The following ATXN10 variants were observed in gnomAD, a reference collection of about 807,000 sequenced individuals.
ATXN10 encodes the protein ataxin 10.
ATXN10 carries 28 observed loss-of-function variants against 52.9 expected under a neutral mutation model. That is an observed-to-expected ratio of 0.53 (90% CI 0.39 to 0.73). The LOEUF (loss-of-function observed/expected upper bound fraction) is 0.73. Among genes scored for constraint, ATXN10 ranks in the 30% least tolerant of loss-of-function variants. The pLI, the probability that ATXN10 is intolerant of heterozygous loss-of-function variation, is 0.00. For synonymous variants in ATXN10, 226 were observed against 221.5 expected, an observed-to-expected ratio of 1.02 and a Z score of -0.18; for missense variants, 565 against 577.0, an observed-to-expected ratio of 0.98 and a Z score of 0.21.
In ATXN10 at chr22:45,732,493, G is replaced by T. The variant is rs1330285849; in HGVS notation, c.894+2903G>T. Among the ~76,000 whole-genome samples the T allele has an allele frequency of 4.0e-5, 6 of 151,224 alleles. No individual in the cohort carries two copies. Among genetic ancestry groups the T allele is most frequent in the Non-Finnish European group, 4.4e-5 (3 of 67,842 alleles). ...AAAAAATTGTAGGCAGTTTTCTTTT[G>T]CAAAGCCAAATTAATTTACTTTTGG... is the stretch of plus-strand genomic sequence containing the variant. On this transcript the variant is annotated intron_variant, in intron 7 of 11. Coordinates refer to ENST00000252934, the MANE Select transcript of ATXN10 (RefSeq NM_013236.4). This position sits in a 1 kb window ranked among gnomAD's most constrained non-coding sequence, Gnocchi z 4.5.
In ATXN10 at chr22:45,757,176, G is replaced by T. The variant is rs1458956485; in HGVS notation, c.1173+16638G>T. 2.6e-5 allele frequency among the ~76,000 whole-genome samples: 4 copies of T among 152,136 alleles called. No individual in the cohort carries two copies. Among genetic ancestry groups the T allele is most frequent in the African/African-American group, 9.7e-5 (4 of 41,402 alleles). On this transcript the variant is annotated intron_variant, in intron 9 of 11. Transcript: ENST00000252934. The surrounding 1 kb of genome is among the most constrained non-coding windows in gnomAD (Gnocchi z 4.6). ...GGGGAGTCTGATGGGGAGGTGGGTG[G>T]CGGGGGTGTTGACAGGAAAAATCCG...
At chr22:45,721,454 A>T (rs974153842) in intron 6 of ATXN10, among the ~76,000 whole-genome samples, 22 of 152,236 alleles carry the variant, frequency 1.4e-4, no homozygotes, top group Non-Finnish European at 4.4e-5. Flanking sequence ...AGTGCCTGGC[A>T]TGTAATGGTC....
rs538396961 is a variant in ATXN10, at chr22:45,820,260, A to G, written c.1237+13238A>G. Reference sequence around the variant, plus strand: ...CCAGGAAATGAAAAGGCCGTGTGCTACGGTGGGACCACCAACCTAAGGAAG... The same window carrying G: ...CCAGGAAATGAAAAGGCCGTGTGCTGCGGTGGGACCACCAACCTAAGGAAG... On this transcript the variant is annotated intron_variant, in intron 10 of 11. Transcript: ENST00000252934. This position sits in a 1 kb window ranked among gnomAD's most constrained non-coding sequence, Gnocchi z 4.9. Among the ~76,000 whole-genome samples the G allele has an allele frequency of 6.6e-5, 10 of 152,352 alleles. No homozygotes were observed. Among genetic ancestry groups the G allele is most frequent in the African/African-American group, 2.4e-4 (10 of 41,586 alleles).
intron 10 of ATXN10, among the ~76,000 whole-genome samples, chr22:45,807,290 G>A (rs558340450): frequency 6.6e-6 from 1 of 152,158 alleles, no homozygotes; most frequent in Non-Finnish European, 1.5e-5. Flanking sequence ...TGGGGCACAG[G>A]CAGCCCATGC....
At position 45,825,764 on chromosome 22, in the gene ATXN10, C is replaced by T. The variant is rs1239911366; in HGVS notation, c.1238-17227C>T. Among the ~76,000 whole-genome samples the T allele has an allele frequency of 4.6e-5, 7 of 152,120 alleles. No homozygotes were observed. Among genetic ancestry groups the T allele is most frequent in the South Asian group, 2.1e-4 (1 of 4,834 alleles). On this transcript the variant is annotated intron_variant, in intron 10 of 11. Transcript: ENST00000252934. The surrounding 1 kb of genome is among the most constrained non-coding windows in gnomAD (Gnocchi z 4.5). ...GAAGATGCTCAAGGAACTAAAGGAA[C>T]GTGTGGAAAATCAATAAAACAATAT...
rs1408203202 is a variant in ATXN10, at chr22:45,840,614, G to C, written c.1238-2377G>C. 6.6e-6 allele frequency among the ~76,000 whole-genome samples: 1 copy of C among 152,166 alleles called. No individual in the cohort carries two copies. Among genetic ancestry groups the C allele is most frequent in the Non-Finnish European group, 1.5e-5 (1 of 68,008 alleles). On this transcript the variant is annotated intron_variant, in intron 10 of 11. Coordinates refer to ENST00000252934, the MANE Select transcript of ATXN10 (RefSeq NM_013236.4). The surrounding 1 kb of genome is among the most constrained non-coding windows in gnomAD (Gnocchi z 5.8). ...AGAGGTGGGTAGGGGCCGTCTGGCA[G>C]GGTCTCACGTGCCCTGGAGTGGAGC...
chr22:45,709,707 T>G (rs1924171584), intron 5 of ATXN10, among the ~76,000 whole-genome samples: 1 of 152,220 alleles, frequency 6.6e-6, no homozygotes, highest in Non-Finnish European at 1.5e-5. Flanking sequence ...TTTCTGGCCT[T>G]GATCTCTTGC....
rs1035188719 is a variant in ATXN10, at chr22:45,820,632, T to G, written c.1237+13610T>G. On this transcript the variant is annotated intron_variant, in intron 10 of 11. Coordinates refer to ENST00000252934, the MANE Select transcript of ATXN10 (RefSeq NM_013236.4). The surrounding 1 kb of genome is among the most constrained non-coding windows in gnomAD (Gnocchi z 4.9). ...GAAAGTATAAAAATAAAGCTAACTT[T>G]TAGATGTGCTCACCTTTTCAACTCT... 6.6e-6 allele frequency among the ~76,000 whole-genome samples: 1 copy of G among 152,212 alleles called. No individual in the cohort carries two copies. Among genetic ancestry groups the G allele is most frequent in the Admixed American group, 6.5e-5 (1 of 15,278 alleles).
At chr22:45,720,493 T>C (rs1445001787) in intron 6 of ATXN10, among the ~76,000 whole-genome samples, 1 of 152,100 alleles carries the variant, frequency 6.6e-6, no homozygotes, top group Admixed American at 6.5e-5. Flanking sequence ...TGGGTCACCA[T>C]GCCAGACTAC....
intron 9 of ATXN10, among the ~76,000 whole-genome samples, chr22:45,768,344 A>G (rs1435099895): frequency 1.3e-5 from 2 of 152,156 alleles, no homozygotes; most frequent in African/African-American, 4.8e-5. Context: ...CAAGACCCTT[A>G]AAGTGTTGTC....
At chr22:45,680,314 A>G (rs928712000) in intron 1 of ATXN10, among the ~76,000 whole-genome samples, 1 of 152,224 alleles carries the variant, frequency 6.6e-6, no homozygotes, top group African/African-American at 2.4e-5. Context: ...TTATAAAACT[A>G]TCAAAAGACA....
chr22:45,716,372 G>C (rs1030534041), intron 5 of ATXN10, among the ~76,000 whole-genome samples: 1 of 144,852 alleles, frequency 6.9e-6, no homozygotes, highest in Admixed American at 7.1e-5. Context: ...TGTCGCCCAT[G>C]CTGGAGTGCA....
chr22:45,703,282 C>A (rs1923912037), intron 5 of ATXN10, among the ~76,000 whole-genome samples: 1 of 152,032 alleles, frequency 6.6e-6, no homozygotes, highest in African/African-American at 2.4e-5. Context: ...GTACTGCCAC[C>A]CTTCATACAT....
rs140981924 is a variant in ATXN10 at position 45,829,897 on chromosome 22, G to A, written c.1238-13094G>A. On this transcript the variant is annotated intron_variant, in intron 10 of 11. Transcript: ENST00000252934. Reference sequence around the variant, plus strand: ...TCCAAACTTCATATGGAATCCCAAGGGACATTGAATAGCCAAAACAATGTA... The same window carrying A: ...TCCAAACTTCATATGGAATCCCAAGAGACATTGAATAGCCAAAACAATGTA... 1.2e-4 allele frequency among the ~76,000 whole-genome samples: 18 copies of A among 152,226 alleles called. No homozygotes were observed. In the East Asian group the frequency reaches 2.3e-3, roughly 20 times the overall value.
chr22:45,755,538 T>C (rs17652545), intron 9 of ATXN10, among the ~76,000 whole-genome samples: 16,955 of 152,200 alleles, frequency 0.11, 1,207 homozygotes, highest in Middle Eastern at 0.17. Flanking sequence ...TGGGGTTGGT[T>C]ACTGTCATCA....
intron 3 of ATXN10, among the ~76,000 whole-genome samples, chr22:45,697,109 G>A (rs1054783451): frequency 2.4e-4 from 36 of 151,950 alleles, no homozygotes; most frequent in Non-Finnish European, 1.5e-5. Context: ...ACAGTATTAT[G>A]CAACTACCAT....
chr22:45,791,257 A>AT (rs1927499206), intron 9 of ATXN10, among the ~76,000 whole-genome samples: 1 of 152,092 alleles, frequency 6.6e-6, no homozygotes, highest in South Asian at 2.1e-4. Context: ...TTCCTCTTTG[A>AT]TTTTCTGAAC....
At chr22:45,800,616 T>C (rs892672869) in intron 9 of ATXN10, among the ~76,000 whole-genome samples, 1 of 152,174 alleles carries the variant, frequency 6.6e-6, no homozygotes, top group Non-Finnish European at 1.5e-5. Context: ...AATGAAAACA[T>C]GCACCCATGA....
At chr22:45,709,953 A>G (rs1924182535) in intron 5 of ATXN10, among the ~76,000 whole-genome samples, 1 of 152,182 alleles carries the variant, frequency 6.6e-6, no homozygotes, top group African/African-American at 2.4e-5. Context: ...CCTATCTTCA[A>G]AAGGTGTTCC....
Sources: allele counts gnomAD v4.1 joint callset (sites outside exome capture counted in the v4.1 genomes callset), GRCh38; gene constraint gnomAD v4.1.1; non-coding constraint Gnocchi (gnomAD v3.1); transcripts MANE v1.5; gene names NCBI Gene and HGNC (gene_info 2026-07-23, HGNC 2026-07-21).